Variants in UBL7 observed in about 807,000 individuals in gnomAD.
UBL7 encodes the protein ubiquitin like 7.
A neutral mutation model predicts 41.7 loss-of-function variants in UBL7; 21 were observed. The observed-to-expected ratio is 0.50, with a 90% confidence interval of 0.36 to 0.73. The LOEUF (loss-of-function observed/expected upper bound fraction) is 0.73, where lower values mean the gene tolerates loss of function less well. UBL7 is among the 30% of genes least tolerant of loss of function. The probability of loss-of-function intolerance (pLI) is 0.00; values close to 1 mark genes in which losing one functional copy is unlikely to be tolerated. For synonymous variants in UBL7, 157 were observed against 186.9 expected (o/e 0.84, Z 1.31); for missense variants, 403 against 478.4 (o/e 0.84, Z 1.47).
rs751754122 is a variant in UBL7, at chr15:74,456,673, TA to T, written c.185-3del. The T allele has an allele frequency of 1.7e-5, 27 of 1,611,286 alleles. No individual in the cohort carries two copies. The highest frequency in any genetic ancestry group is 2.3e-5 in the Non-Finnish European group (27 of 1,178,416). On this transcript the variant is annotated splice_region_variant and splice_polypyrimidine_tract_variant and intron_variant, in intron 2 of 10. Transcript: ENST00000395081. ...GCTTCCGACCACAGTAGATCAGATC[TA>T]AAAAAAGAACTGTCCACTTATATTT...
intron 3 of UBL7, among the ~76,000 whole-genome samples, chr15:74,453,834 A>G (rs2061271489): frequency 6.6e-6 from 1 of 152,240 alleles, no homozygotes; most frequent in African/African-American, 2.4e-5. Context: ...AAATATCTAA[A>G]ACACTGTCAC....
rs985555414 is a variant in UBL7 at position 74,446,078 on chromosome 15, G to C, written c.*12C>G. 2.0e-5 allele frequency: 32 copies of C among 1,613,078 alleles called. No individual in the cohort carries two copies. The highest frequency in any genetic ancestry group is 3.3e-5 in the Admixed American group (2 of 59,940). On this transcript the variant is annotated 3_prime_UTR_variant, in exon 11 of 11. Coordinates refer to ENST00000395081, the MANE Select transcript of UBL7 (RefSeq NM_032907.5). This position sits in a 1 kb window ranked among gnomAD's most constrained non-coding sequence, Gnocchi z 4.1. The stretch of plus-strand genomic sequence containing the variant: ...TCTGCAACTTGCTGGGGGTTCAGGG[G>C]AAGCAGGGAGTTCATGGGGCTCCTC...
chr15:74,460,597 C>T (rs1373761082), intron 1 of UBL7: 3 of 942,452 alleles, frequency 3.2e-6, no homozygotes, highest in Non-Finnish European at 4.3e-6. Flanking sequence ...TGCTTGCCCC[C>T]TCCTCCACCC....
At chr15:74,450,212 G>T (rs1180870727) in intron 6 of UBL7, 143 bp from the exon 7 acceptor site, 10 of 1,095,512 alleles carry the variant, frequency 9.1e-6, no homozygotes, top group Non-Finnish European at 1.3e-5. Context: ...CTTCCACCAG[G>T]AAGCTTTATC....
chr15:74,449,302 G>A lies in UBL7; in HGVS notation c.766C>T (p.Leu256=). 1 of 1,614,028 alleles carries A rather than the reference G, an allele frequency of 6.2e-7. No homozygotes were observed. The highest frequency in any genetic ancestry group is 8.5e-7 in the Non-Finnish European group (1 of 1,180,000). ...SSTPSSRPAS[L]GYSGAAGPRP... ...GGCCCAGCAGCTCCACTGTACCCCA[G>A]GGAGGCTGGGCGGGAGCTGGGAGTA... Residue 256 remains leucine (L), a synonymous_variant, in exon 9 of 11, where the codon CTG becomes TTG. Transcript: ENST00000395081.
chr15:74,457,542 C>CA (rs903727806), intron 2 of UBL7, among the ~76,000 whole-genome samples: 7 of 141,002 alleles, frequency 5.0e-5, no homozygotes, highest in Non-Finnish European at 9.0e-5. Context: ...GACTCTGTCT[C>CA]AAAAAAAAAG....
At chr15:74,449,127 T>C in intron 9 of UBL7, 59 bp downstream of exon 9, 3 of 1,503,766 alleles carry the variant, frequency 2.0e-6, no homozygotes, top group Non-Finnish European at 8.9e-7. Flanking sequence ...TCTACTCTAC[T>C]GCTGGGGAGC....
At chr15:74,458,242 C>G (rs1435438901) in intron 2 of UBL7, among the ~76,000 whole-genome samples, 4 of 152,068 alleles carry the variant, frequency 2.6e-5, no homozygotes, top group African/African-American at 9.7e-5. Flanking sequence ...CCAGCCTGGC[C>G]AACATGGTGA....
At position 74,461,075 on chromosome 15, in the gene UBL7, A is replaced by C. The variant is rs1003186721; in HGVS notation, c.-68T>G. The C allele has an allele frequency of 1.3e-5, 13 of 1,017,410 alleles. No individual in the cohort carries two copies. In the African/African-American group the frequency reaches 2.3e-4, roughly 18 times the overall value. The allele number at this position is 1,017,410 out of a possible 1,614,324, so 63.0% of individuals were successfully genotyped here. On this transcript the variant is annotated 5_prime_UTR_variant, in exon 1 of 11. Coordinates refer to ENST00000395081, the MANE Select transcript of UBL7 (RefSeq NM_032907.5). ...CCAGCTACTTGGCTGACACACATCGAGCCCGCGCTGCCCAGGGCCCCAGCG... is the reference window on the plus strand; with the variant it reads ...CCAGCTACTTGGCTGACACACATCGCGCCCGCGCTGCCCAGGGCCCCAGCG...
chr15:74,449,282 A>G lies in UBL7; in HGVS notation c.786T>C (p.Ala262=). 2 of 1,613,636 alleles carry G rather than the reference A, an allele frequency of 1.2e-6. No individual in the cohort carries two copies. Among genetic ancestry groups the G allele is most frequent in the South Asian group, 2.2e-5 (2 of 91,060 alleles). ...CACTCTGGGTGATGGGCCGGGGCCC[A>G]GCAGCTCCACTGTACCCCAGGGAGG... is the stretch of plus-strand genomic sequence containing the variant. ...RPASLGYSGA[A]GPRPITQSEL... Residue 262 remains alanine, a synonymous_variant, in exon 9 of 11, where the codon GCT becomes GCC. Transcript: ENST00000395081.
At chr15:74,452,149 A>T in intron 4 of UBL7, 147 bp downstream of exon 4, 1 of 711,216 alleles carries the variant, frequency 1.4e-6, no homozygotes, top group Non-Finnish European at 2.3e-6. Context: ...ACAGGGCTCT[A>T]CTGAGGCCCA....
At chr15:74,454,403 C>CT (rs34947984) in intron 3 of UBL7, among the ~76,000 whole-genome samples, 1,998 of 146,632 alleles carry the variant, frequency 0.014, 21 homozygotes, top group Non-Finnish European at 0.021. Context: ...TTAGAAAGGA[C>CT]TTTTTTTTTT....
intron 8 of UBL7, 93 bp from the exon 9 acceptor site, chr15:74,449,446 T>A (rs1317566797): frequency 1.3e-6 from 2 of 1,553,070 alleles, no homozygotes; most frequent in African/African-American, 1.4e-5. Flanking sequence ...TTGGGGAAAC[T>A]CTTAAGTTCC....
intron 2 of UBL7, 78 bp downstream of exon 2, chr15:74,458,606 T>A (rs996943665): frequency 3.0e-5 from 39 of 1,311,588 alleles, no homozygotes; most frequent in Non-Finnish European, 3.9e-5. Context: ...AGCCCTTACT[T>A]TACTCTTGTA....
chr15:74,457,035 C>T (rs1014673974), intron 2 of UBL7, among the ~76,000 whole-genome samples: 1 of 152,202 alleles, frequency 6.6e-6, no homozygotes, highest in Admixed American at 6.5e-5. Flanking sequence ...AGTCTCTTAA[C>T]TCCTGGGCTC....
At chr15:74,448,646 T>C in intron 9 of UBL7, 46 bp from the exon 10 acceptor site, 1 of 1,608,224 alleles carries the variant, frequency 6.2e-7, no homozygotes, top group Non-Finnish European at 8.5e-7. Context: ...GCCATCTCAA[T>C]CTTATAGCAG....
At chr15:74,451,367 G>C in intron 5 of UBL7, 69 bp downstream of exon 5, 1 of 1,342,680 alleles carries the variant, frequency 7.4e-7, no homozygotes. Flanking sequence ...TCTCTTTAGA[G>C]GAATTGTCTT....
rs2061178672 is a variant in UBL7 at position 74,446,001 on chromosome 15, G to C, written c.*89C>G. 1 of 1,525,400 alleles carries C rather than the reference G, an allele frequency of 6.6e-7. No homozygotes were observed. Among genetic ancestry groups the C allele is most frequent in the Non-Finnish European group, 8.9e-7 (1 of 1,128,394 alleles). 94.5% of individuals were successfully genotyped at this position (1,525,400 alleles called of 1,614,324 possible). ...GGAGAGTTGACCATCAGGTATATTG[G>C]GGAAGGGAGAGATGGAGGCACCTTC... On this transcript the variant is annotated 3_prime_UTR_variant, in exon 11 of 11. Transcript: ENST00000395081. The surrounding 1 kb of genome is among the most constrained non-coding windows in gnomAD (Gnocchi z 4.1).
intron 3 of UBL7, among the ~76,000 whole-genome samples, chr15:74,454,420 CAG>C (rs1430638156): frequency 2.6e-5 from 4 of 151,206 alleles, no homozygotes; most frequent in Non-Finnish European, 5.9e-5. Flanking sequence ...TTTTTTGAGA[CAG>C]AGTTTCGCTC....
Sources: gnomAD v4.1 joint callset for allele counts (sites outside exome capture counted in the v4.1 genomes callset) on GRCh38, gnomAD v4.1.1 for gene constraint, Gnocchi (gnomAD v3.1) non-coding constraint, MANE v1.5 for transcripts, NCBI Gene and HGNC (gene_info 2026-07-23, HGNC 2026-07-21) for gene names.